DCDC2C: variants seen among roughly 807,000 people sequenced by gnomAD.
DCDC2C encodes doublecortin domain-containing protein 2C.
DCDC2C carries 44 observed loss-of-function variants against 45.0 expected under a neutral mutation model. The ratio of observed to expected loss-of-function variants is 0.98; its 90% CI spans 0.77 to 1.26. The LOEUF (loss-of-function observed/expected upper bound fraction) is 1.26. Ranked by LOEUF, DCDC2C falls within the 50% of genes most tolerant of loss-of-function variation. DCDC2C has a pLI of 0.00. For synonymous variants in DCDC2C, 187 were observed against 178.8 expected, an observed-to-expected ratio of 1.05 and a Z score of -0.37; for missense variants, 447 against 468.9, an observed-to-expected ratio of 0.95 and a Z score of 0.43.
intron 2 of DCDC2C, among the ~76,000 whole-genome samples, chr2:3,708,891 G>A (rs1035315279): frequency 6.6e-6 from 1 of 152,160 alleles, no homozygotes; most frequent in Admixed American, 6.5e-5. Context: ...GTTTTGGGGG[G>A]GTTTGGAAAG....
intron 3 of DCDC2C, among the ~76,000 whole-genome samples, chr2:3,728,154 A>G (rs1668750167): frequency 6.6e-6 from 1 of 152,180 alleles, no homozygotes; most frequent in African/African-American, 2.4e-5. Flanking sequence ...TTGGAGGCTC[A>G]TGAGGCTGGA....
intron 7 of DCDC2C, among the ~76,000 whole-genome samples, chr2:3,768,499 T>C (rs1179023128): frequency 6.6e-6 from 1 of 152,230 alleles, no homozygotes; most frequent in African/African-American, 2.4e-5. Context: ...GGAGAGGCTT[T>C]CCTGCACTTC....
At position 3,752,769 on chromosome 2, in the gene DCDC2C, TAC is replaced by T. The variant is rs1313818326; in HGVS notation, c.554_555del (p.Thr185AsnfsTer40). 1 of 1,550,468 alleles carries T rather than the reference TAC, an allele frequency of 6.4e-7. No individual in the cohort carries two copies. The highest frequency in any genetic ancestry group is 2.0e-5 in the Admixed American group (1 of 50,998). On this transcript the variant is annotated frameshift_variant, in exon 5 of 11. Coordinates refer to ENST00000399143, the MANE Select transcript of DCDC2C (RefSeq NM_001287444.2). LOFTEE classifies it high-confidence loss of function. ...CTTCTTTCTGTTTTTACAGATTATT[TAC>T]AATGAATGGGCATCTTTTGGGCGAC... is the stretch of plus-strand genomic sequence containing the variant. Reference protein sequence around the residue: ...FPLGGVRKLFTMNGHLLGDSK... With the variant: ...FPLGGVRKLFXMNGHLLGDSK...
intron 10 of DCDC2C, among the ~76,000 whole-genome samples, chr2:3,840,171 A>G (rs1672179182): frequency 1.3e-5 from 2 of 152,220 alleles, no homozygotes; most frequent in South Asian, 2.1e-4. Flanking sequence ...TGAGTATTCT[A>G]CTTTTACTGC....
intron 10 of DCDC2C, among the ~76,000 whole-genome samples, chr2:3,816,732 G>A (rs1241157531): frequency 6.6e-6 from 1 of 152,212 alleles, no homozygotes; most frequent in African/African-American, 2.4e-5. Context: ...GCAGTTTGAG[G>A]TATTTTAGTT....
At chr2:3,838,713 G>T (rs1200901044) in intron 10 of DCDC2C, among the ~76,000 whole-genome samples, 1 of 152,190 alleles carries the variant, frequency 6.6e-6, no homozygotes, top group Non-Finnish European at 1.5e-5. Flanking sequence ...GGAAGAGAAA[G>T]ACATCATTTG....
At chr2:3,841,461 C>CTA (rs5828894) in intron 10 of DCDC2C, among the ~76,000 whole-genome samples, 82,243 of 148,370 alleles carry the variant, frequency 0.55, 22,601 homozygotes, top group South Asian at 0.63. Flanking sequence ...TATCCTAAAT[C>CTA]TTTTTAATTC....
intron 8 of DCDC2C, 123 bp from the exon 9 acceptor site, chr2:3,778,693 G>A (rs1186673736): frequency 3.6e-6 from 3 of 840,786 alleles, no homozygotes; most frequent in Middle Eastern, 2.3e-4. Context: ...AGAAACTGCA[G>A]TGACTTCCCC....
In DCDC2C at chr2:3,727,014, G is replaced by A; in HGVS notation, c.351G>A (p.Val117=). The change falls in exon 3 of 11, where the codon GTG becomes GTA. Residue 117 remains valine, a synonymous_variant. Transcript: ENST00000399143. ...KIRKLKEIKP[V]VHCDINVPSK... ...TTTTCCTTTTTCAGATCAAACCAGT[G>A]GTGCATTGTGATATAAATGTGCCTT... 2 of 1,550,288 alleles carry A rather than the reference G, an allele frequency of 1.3e-6. No homozygotes were observed. The highest frequency in any genetic ancestry group is 8.7e-7 in the Non-Finnish European group (1 of 1,146,868).
intron 10 of DCDC2C, among the ~76,000 whole-genome samples, chr2:3,842,104 A>T (rs1672228609): frequency 6.6e-6 from 1 of 152,186 alleles, no homozygotes; most frequent in South Asian, 2.1e-4. Flanking sequence ...TTTTTTAAAA[A>T]TAGACAATAT....
chr2:3,743,729 T>C (rs558446244), intron 4 of DCDC2C, among the ~76,000 whole-genome samples: 134 of 152,330 alleles, frequency 8.8e-4, no homozygotes, highest in Non-Finnish European at 1.4e-3. Context: ...CTAGAATTTA[T>C]GGGATTCAGC....
intron 10 of DCDC2C, among the ~76,000 whole-genome samples, chr2:3,805,324 G>A (rs1372757913): frequency 6.6e-6 from 1 of 152,224 alleles, no homozygotes; most frequent in Non-Finnish European, 1.5e-5. Context: ...GACCCCTGGT[G>A]GTGGAGAAAG....
At chr2:3,787,697 G>GA (rs1277424438) in intron 10 of DCDC2C, among the ~76,000 whole-genome samples, 1 of 152,090 alleles carries the variant, frequency 6.6e-6, no homozygotes. Flanking sequence ...ATGCAGATAA[G>GA]AAAAAAATGA....
At chr2:3,751,682 G>GC (rs1669547002) in intron 4 of DCDC2C, among the ~76,000 whole-genome samples, 1 of 152,070 alleles carries the variant, frequency 6.6e-6, no homozygotes, top group South Asian at 2.1e-4. Flanking sequence ...TCCTTTCCAT[G>GC]CCCCCTGCAT....
chr2:3,802,620 C>A lies in DCDC2C; in HGVS notation c.1065+17520C>A, dbSNP rs1043095816. Among the ~76,000 whole-genome samples the A allele has an allele frequency of 1.1e-4, 16 of 152,306 alleles. No individual in the cohort carries two copies. The East Asian group carries it at 2.7e-3, about 26-fold the overall frequency. On this transcript the variant is annotated intron_variant, in intron 10 of 10. Coordinates refer to ENST00000399143, the MANE Select transcript of DCDC2C (RefSeq NM_001287444.2). ...TTCCCTGGTTAATAGATGATGGCTT[C>A]TTCCTATGTCCTCATGTGGTGGAAG...
In DCDC2C at chr2:3,703,781, G is replaced by T. The variant is rs900378434; in HGVS notation, c.30G>T (p.Val10=). The change falls in exon 1 of 11, where the codon GTG becomes GTT. Residue 10 remains valine (V), a synonymous_variant. Coordinates refer to ENST00000399143, the MANE Select transcript of DCDC2C (RefSeq NM_001287444.2). The surrounding 1 kb of genome is among the most constrained non-coding windows in gnomAD (Gnocchi z 4.4). The part of the protein sequence containing the change: MGTRGPSAP[V]DTTPAKTIVV... ...GAACCCGCGGGCCCTCCGCGCCGGTGGACACCACGCCCGCCAAGACCATCG... is the reference window on the plus strand; with the variant it reads ...GAACCCGCGGGCCCTCCGCGCCGGTTGACACCACGCCCGCCAAGACCATCG... 2 of 1,237,320 alleles carry T rather than the reference G, an allele frequency of 1.6e-6. No individual in the cohort carries two copies. The highest frequency in any genetic ancestry group is 2.0e-6 in the Non-Finnish European group (2 of 988,904). The allele number at this position is 1,237,320 out of a possible 1,614,324, so 76.6% of individuals were successfully genotyped here. A position where few individuals can be genotyped will look rare whatever the true frequency, so the allele number is the denominator to read the frequency against.
At chr2:3,769,064 T>C (rs762856234) in intron 7 of DCDC2C, 2 of 445,048 alleles carry the variant, frequency 4.5e-6, no homozygotes, top group Non-Finnish European at 8.3e-6. Flanking sequence ...AGGACCTTCA[T>C]GAAGACAGAG....
intron 10 of DCDC2C, among the ~76,000 whole-genome samples, chr2:3,791,759 T>G (rs993750299): frequency 1.5e-4 from 23 of 152,198 alleles, no homozygotes; most frequent in African/African-American, 5.5e-4. Flanking sequence ...GCCAGCACTC[T>G]TCCTCCCCTC....
chr2:3,733,482 G>A (rs1668932306), intron 3 of DCDC2C, among the ~76,000 whole-genome samples: 1 of 152,180 alleles, frequency 6.6e-6, no homozygotes, highest in Non-Finnish European at 1.5e-5. Flanking sequence ...TTCCTTCAAG[G>A]GAGGTGTCTG....
Sources: allele counts gnomAD v4.1 joint callset (sites outside exome capture counted in the v4.1 genomes callset), GRCh38; gene constraint gnomAD v4.1.1; non-coding constraint Gnocchi (gnomAD v3.1); transcripts MANE v1.5; gene names NCBI Gene and HGNC (gene_info 2026-07-23, HGNC 2026-07-21).